Variants in PPP2R5E observed in about 807,000 individuals in gnomAD.
PPP2R5E encodes serine/threonine-protein phosphatase 2A 56 kDa regulatory subunit epsilon isoform.
PPP2R5E carries 4 observed loss-of-function variants against 65.3 expected under a neutral mutation model. That is an observed-to-expected ratio of 0.06 (90% confidence interval 0.03 to 0.14). The LOEUF is 0.14. PPP2R5E is among the 10% of genes least tolerant of loss of function. PPP2R5E has a pLI of 1.00. For missense variants in PPP2R5E, 274 were observed against 556.1 expected, an observed-to-expected ratio of 0.49 and a Z score of 5.10; for synonymous variants, 183 against 187.4, an observed-to-expected ratio of 0.98 and a Z score of 0.19.
chr14:63,533,248 GA>G (rs1893508603), intron 2 of PPP2R5E, among the ~76,000 whole-genome samples: 1 of 151,574 alleles, frequency 6.6e-6, no homozygotes, highest in Admixed American at 6.6e-5. Flanking sequence ...AGATATAGAC[GA>G]AAAAGGCAAT....
At chr14:63,428,258 CA>C (rs1286219571) in intron 3 of PPP2R5E, among the ~76,000 whole-genome samples, 1 of 152,204 alleles carries the variant, frequency 6.6e-6, no homozygotes, top group Admixed American at 6.5e-5. Flanking sequence ...TTGAAGCACT[CA>C]AGGACTCTAT....
At chr14:63,533,534 C>T (rs1241565315) in intron 2 of PPP2R5E, among the ~76,000 whole-genome samples, 1 of 152,202 alleles carries the variant, frequency 6.6e-6, no homozygotes, top group Non-Finnish European at 1.5e-5. Context: ...ACACTCCAGC[C>T]TGGGCAACAA....
At chr14:63,499,804 T>C (rs1197571835) in intron 2 of PPP2R5E, among the ~76,000 whole-genome samples, 2 of 152,102 alleles carry the variant, frequency 1.3e-5, no homozygotes, top group Admixed American at 6.5e-5. Flanking sequence ...TCTAGTCCAG[T>C]TGTCTCATTT....
intron 2 of PPP2R5E, among the ~76,000 whole-genome samples, chr14:63,464,348 C>A (rs1889668357): frequency 6.6e-6 from 1 of 152,142 alleles, no homozygotes; most frequent in Non-Finnish European, 1.5e-5. Flanking sequence ...CAATGTTAAA[C>A]AGAGCATTCA....
At chr14:63,438,966 T>G (rs1243596066) in intron 3 of PPP2R5E, among the ~76,000 whole-genome samples, 1 of 151,688 alleles carries the variant, frequency 6.6e-6, no homozygotes, top group Non-Finnish European at 1.5e-5. Flanking sequence ...CAGGGGCATA[T>G]GCAGTTTCAC....
rs1442924948 is a variant in PPP2R5E at position 63,375,201 on chromosome 14, G to A, written c.*808C>T. 3 of 152,550 alleles carry A rather than the reference G, an allele frequency of 2.0e-5. No homozygotes were observed. The highest frequency in any genetic ancestry group is 4.8e-5 in the African/African-American group (2 of 41,412). The allele number at this position is 152,550 out of a possible 1,614,324, so 9.4% of individuals were successfully genotyped here. On this transcript the variant is annotated 3_prime_UTR_variant, in exon 14 of 14. Coordinates refer to ENST00000337537, the MANE Select transcript of PPP2R5E (RefSeq NM_006246.5). ...TTTCTAAAACATCTCTGGTATGTGTGTTCAATGATATATGCAACTAATACT... is the reference window on the plus strand; with the variant it reads ...TTTCTAAAACATCTCTGGTATGTGTATTCAATGATATATGCAACTAATACT...
chr14:63,380,788 C>A (rs1362249168), intron 13 of PPP2R5E, among the ~76,000 whole-genome samples: 1 of 152,108 alleles, frequency 6.6e-6, no homozygotes. Context: ...TAAATACTCA[C>A]CACATTCCAT....
chr14:63,475,621 C>T (rs934374640), intron 2 of PPP2R5E, among the ~76,000 whole-genome samples: 1 of 152,050 alleles, frequency 6.6e-6, no homozygotes, highest in Non-Finnish European at 1.5e-5. Context: ...TTAGATAATA[C>T]ATTGAAGACT....
rs533267303 is a variant in PPP2R5E at position 63,525,453 on chromosome 14, C to T, written c.157+14076G>A. 3.2e-4 allele frequency among the ~76,000 whole-genome samples: 48 copies of T among 152,274 alleles called. 1 individual carries two copies. The highest frequency in any genetic ancestry group is 1.1e-3 in the African/African-American group (46 of 41,554). On this transcript the variant is annotated intron_variant, in intron 2 of 13. Coordinates refer to ENST00000337537, the MANE Select transcript of PPP2R5E (RefSeq NM_006246.5). ...AAAAAGAATCAAAAATCAGGAAAGACATACAGGAGAAGAAACCTCTAGTCA... is the reference window on the plus strand; with the variant it reads ...AAAAAGAATCAAAAATCAGGAAAGATATACAGGAGAAGAAACCTCTAGTCA...
chr14:63,431,906 C>T (rs1275242547), intron 3 of PPP2R5E, among the ~76,000 whole-genome samples: 2 of 151,870 alleles, frequency 1.3e-5, no homozygotes, highest in Admixed American at 1.3e-4. Context: ...CATTTAATGT[C>T]ATACTTAAAT....
chr14:63,539,258 A>G (rs1893791101), intron 2 of PPP2R5E, among the ~76,000 whole-genome samples: 1 of 152,186 alleles, frequency 6.6e-6, no homozygotes, highest in Non-Finnish European at 1.5e-5. Flanking sequence ...AAACCCAGAC[A>G]TCTTAAAGTT....
chr14:63,481,179 C>G (rs1274289751), intron 2 of PPP2R5E, among the ~76,000 whole-genome samples: 1 of 152,050 alleles, frequency 6.6e-6, no homozygotes, highest in Non-Finnish European at 1.5e-5. Flanking sequence ...TGTCAGTGCT[C>G]TATCACAATA....
chr14:63,477,859 AAT>A (rs1025298084), intron 2 of PPP2R5E, among the ~76,000 whole-genome samples: 1 of 151,120 alleles, frequency 6.6e-6, no homozygotes, highest in African/African-American at 2.4e-5. Context: ...AAAAAATTTA[AAT>A]ATATATATAT....
At chr14:63,384,271 T>C (rs1884530471) in intron 12 of PPP2R5E, among the ~76,000 whole-genome samples, 173 bp downstream of exon 12, 1 of 152,162 alleles carries the variant, frequency 6.6e-6, no homozygotes, top group Admixed American at 6.5e-5. Flanking sequence ...TAACCGGTAT[T>C]TTGTTAAAGT....
chr14:63,459,056 A>G (rs545122538), intron 2 of PPP2R5E, among the ~76,000 whole-genome samples: 9 of 152,336 alleles, frequency 5.9e-5, no homozygotes, highest in Admixed American at 2.0e-4. Flanking sequence ...GCAACTCTCC[A>G]TAAACTTCAA....
At chr14:63,390,723 C>T (rs1233538090) in intron 10 of PPP2R5E, among the ~76,000 whole-genome samples, 3 of 152,166 alleles carry the variant, frequency 2.0e-5, no homozygotes, top group Admixed American at 1.3e-4. Context: ...ATAGTAGACC[C>T]TTGCCATTTG....
chr14:63,398,636 A>G (rs1885547919), intron 5 of PPP2R5E, among the ~76,000 whole-genome samples: 1 of 152,160 alleles, frequency 6.6e-6, no homozygotes, highest in Non-Finnish European at 1.5e-5. Flanking sequence ...CTAAAAATAC[A>G]AAAATTAGCC....
intron 5 of PPP2R5E, among the ~76,000 whole-genome samples, chr14:63,397,501 T>TAAAA (rs1885469724): frequency 9.6e-6 from 1 of 104,664 alleles, no homozygotes; most frequent in Non-Finnish European, 1.8e-5. Context: ...GATTCGGTCT[T>TAAAA]TAAAAAAAAA....
At chr14:63,449,619 G>A (rs1222676986) in intron 3 of PPP2R5E, among the ~76,000 whole-genome samples, 2 of 152,056 alleles carry the variant, frequency 1.3e-5, no homozygotes, top group African/African-American at 4.8e-5. Flanking sequence ...GACTGTATAT[G>A]TATGTATGGT....
Sources: allele counts gnomAD v4.1 joint callset (sites outside exome capture counted in the v4.1 genomes callset), GRCh38; gene constraint gnomAD v4.1.1; transcripts MANE v1.5; gene names NCBI Gene and HGNC (gene_info 2026-07-23, HGNC 2026-07-21).